ZFPM2: variants seen among roughly 807,000 people sequenced by gnomAD.
ZFPM2 encodes the protein zinc finger protein, FOG family member 2.
ZFPM2 carries 20 observed loss-of-function variants against 98.6 expected under a neutral mutation model. That is an observed-to-expected ratio of 0.20 (90% confidence interval 0.14 to 0.29). The LOEUF is 0.29. ZFPM2 is among the 10% of genes least tolerant of loss of function. ZFPM2 has a pLI of 1.00. For missense variants in ZFPM2, 1,310 were observed against 1,388.6 expected (o/e 0.94, Z 0.90); for synonymous variants, 518 against 502.7 (o/e 1.03, Z -0.41).
chr8:105,736,917 CTA>C (rs1812086202), intron 5 of ZFPM2, among the ~76,000 whole-genome samples: 3 of 152,002 alleles, frequency 2.0e-5, no homozygotes, highest in Admixed American at 2.0e-4. Context: ...GAAAAATAAA[CTA>C]TGATAGCCAC....
chr8:105,667,527 G>A (rs1817512442), intron 5 of ZFPM2, among the ~76,000 whole-genome samples: 1 of 152,148 alleles, frequency 6.6e-6, no homozygotes, highest in Non-Finnish European at 1.5e-5. Flanking sequence ...TTCACCTTTA[G>A]GAAGGTAATA....
Position 105,684,492 on chromosome 8 carries a change from A to G in ZFPM2, c.532+50135A>G, listed in dbSNP as rs529252820. Among the ~76,000 whole-genome samples, 6 of 152,260 alleles carry G rather than the reference A, an allele frequency of 3.9e-5. No individual in the cohort carries two copies. The South Asian group carries it at 6.2e-4, about 16-fold the overall frequency. On this transcript the variant is annotated intron_variant, in intron 5 of 7. Coordinates refer to ENST00000407775, the MANE Select transcript of ZFPM2 (RefSeq NM_012082.4). ...ATGGGGAAAAGGTGGCAGGGAGCCA[A>G]AAGAAAATACTGCAATTTGGTTGAA...
At chr8:105,452,428 A>T (rs1355666398) in intron 3 of ZFPM2, among the ~76,000 whole-genome samples, 2 of 151,940 alleles carry the variant, frequency 1.3e-5, no homozygotes, top group African/African-American at 4.8e-5. Flanking sequence ...TATCTTTGCC[A>T]TTCTTTTTAT....
intron 5 of ZFPM2, among the ~76,000 whole-genome samples, chr8:105,757,988 C>T (rs1812643482): frequency 6.6e-6 from 1 of 152,104 alleles, no homozygotes; most frequent in African/African-American, 2.4e-5. Context: ...AATCAGGAAT[C>T]ACCTCATGGA....
intron 4 of ZFPM2, among the ~76,000 whole-genome samples, chr8:105,589,140 A>G (rs1347198223): frequency 6.6e-6 from 1 of 152,176 alleles, no homozygotes; most frequent in Non-Finnish European, 1.5e-5. Flanking sequence ...GCCCCCTCTA[A>G]TCCTGCTATT....
intron 3 of ZFPM2, among the ~76,000 whole-genome samples, chr8:105,451,122 A>G (rs866048107): frequency 6.6e-6 from 1 of 152,202 alleles, no homozygotes; most frequent in Non-Finnish European, 1.5e-5. Context: ...GGAACTAAGT[A>G]TATTTAGATA....
At chr8:105,701,415 A>C (rs190236153) in intron 5 of ZFPM2, among the ~76,000 whole-genome samples, 1 of 152,342 alleles carries the variant, frequency 6.6e-6, no homozygotes, top group Admixed American at 6.5e-5. Context: ...GAGTTATTCT[A>C]AAAGCATATG....
At chr8:105,631,139 C>A (rs1340711012) in intron 4 of ZFPM2, among the ~76,000 whole-genome samples, 3 of 152,116 alleles carry the variant, frequency 2.0e-5, no homozygotes, top group Non-Finnish European at 4.4e-5. Flanking sequence ...AAGTACCTAA[C>A]AAAATCCTTG....
chr8:105,370,100 A>G (rs1810589819), intron 1 of ZFPM2, among the ~76,000 whole-genome samples: 1 of 152,190 alleles, frequency 6.6e-6, no homozygotes, highest in Non-Finnish European at 1.5e-5. Flanking sequence ...CACCTTTCAT[A>G]TGAAGCACTA....
At chr8:105,366,099 A>G (rs758644623) in intron 1 of ZFPM2, among the ~76,000 whole-genome samples, 4 of 152,198 alleles carry the variant, frequency 2.6e-5, no homozygotes, top group African/African-American at 4.8e-5. Flanking sequence ...AAATGATACT[A>G]TCATATCTCA....
At chr8:105,655,418 A>G (rs1471732908) in intron 5 of ZFPM2, among the ~76,000 whole-genome samples, 1 of 151,420 alleles carries the variant, frequency 6.6e-6, no homozygotes, top group East Asian at 1.9e-4. Flanking sequence ...TTTAGTAGAG[A>G]CGGGGTTTCT....
intron 3 of ZFPM2, among the ~76,000 whole-genome samples, chr8:105,496,521 C>T (rs1813470648): frequency 1.3e-5 from 2 of 152,016 alleles, no homozygotes; most frequent in Admixed American, 1.3e-4. Context: ...ATGCCTTTCC[C>T]AGTGCATCAT....
chr8:105,586,813 A>G (rs1217691730), intron 4 of ZFPM2, among the ~76,000 whole-genome samples: 1 of 145,410 alleles, frequency 6.9e-6, no homozygotes. Flanking sequence ...TTAGGCCACT[A>G]TATATGTATG....
chr8:105,646,190 T>C (rs1417359872), intron 5 of ZFPM2, among the ~76,000 whole-genome samples: 1 of 151,840 alleles, frequency 6.6e-6, no homozygotes, highest in African/African-American at 2.4e-5. Context: ...TTTCGGTTCT[T>C]TGGTGTTAAA....
intron 3 of ZFPM2, among the ~76,000 whole-genome samples, chr8:105,481,621 C>T (rs1165743021): frequency 3.3e-5 from 5 of 152,104 alleles, no homozygotes; most frequent in Non-Finnish European, 7.4e-5. Flanking sequence ...ATAGGAATTT[C>T]GGAGGGACAC....
intron 1 of ZFPM2, among the ~76,000 whole-genome samples, chr8:105,346,949 G>T (rs1429708531): frequency 6.6e-6 from 1 of 152,172 alleles, no homozygotes; most frequent in Admixed American, 6.5e-5. Flanking sequence ...TTCTCACATG[G>T]CTGTCTTACA....
intron 5 of ZFPM2, among the ~76,000 whole-genome samples, chr8:105,679,317 A>G (rs1485156437): frequency 6.6e-6 from 1 of 152,144 alleles, no homozygotes; most frequent in East Asian, 1.9e-4. Flanking sequence ...TCCCATTTAG[A>G]CTGTGGTCTT....
chr8:105,693,124 AG>A (rs1810928451), intron 5 of ZFPM2, among the ~76,000 whole-genome samples: 1 of 152,240 alleles, frequency 6.6e-6, no homozygotes, highest in Admixed American at 6.5e-5. Flanking sequence ...ATATTAGAGA[AG>A]AAGGTTTATT....
intron 5 of ZFPM2, among the ~76,000 whole-genome samples, chr8:105,651,891 A>G (rs1467731234): frequency 3.9e-5 from 6 of 152,168 alleles, no homozygotes; most frequent in African/African-American, 1.4e-4. Context: ...GATTCTCCCC[A>G]TGTCTCAAAA....
Sources: allele counts gnomAD v4.1 joint callset (sites outside exome capture counted in the v4.1 genomes callset), GRCh38; gene constraint gnomAD v4.1.1; transcripts MANE v1.5; gene names NCBI Gene and HGNC (gene_info 2026-07-23, HGNC 2026-07-21).